Variants in DNAI4 observed in about 807,000 individuals in gnomAD.
The protein encoded by DNAI4 is WD repeat domain 78.
A neutral mutation model predicts 105.8 loss-of-function variants in DNAI4; 85 were observed. The ratio of observed to expected loss-of-function variants is 0.80; its 90% CI spans 0.67 to 0.96. The LOEUF (loss-of-function observed/expected upper bound fraction) is 0.96. Ranked by LOEUF, DNAI4 falls within the 40% of genes least tolerant of loss-of-function variation. The pLI is 0.00. For synonymous variants in DNAI4, 352 were observed against 331.5 expected (o/e 1.06, Z -0.67); for missense variants, 1,014 against 1,005.6 (o/e 1.01, Z -0.11).
chr1:66,897,914 G>C (rs1305008451), intron 2 of DNAI4, among the ~76,000 whole-genome samples: 2 of 152,142 alleles, frequency 1.3e-5, no homozygotes, highest in Non-Finnish European at 2.9e-5. Flanking sequence ...GTGGAGACAT[G>C]GGAGCAGGAT....
intron 4 of DNAI4, among the ~76,000 whole-genome samples, chr1:66,886,319 A>G (rs1042980888): frequency 2.6e-5 from 4 of 152,212 alleles, no homozygotes; most frequent in African/African-American, 9.6e-5. Context: ...TTAAATTTGT[A>G]TCATAACAGC....
intron 9 of DNAI4, among the ~76,000 whole-genome samples, chr1:66,839,903 G>A (rs1287820952): frequency 6.6e-6 from 1 of 152,128 alleles, no homozygotes; most frequent in African/African-American, 2.4e-5. Flanking sequence ...TCAACATAAT[G>A]AGAAAAATAA....
intron 6 of DNAI4, 115 bp from the exon 7 acceptor site, chr1:66,862,417 G>A (rs1288522216): frequency 1.8e-6 from 2 of 1,133,454 alleles, no homozygotes; most frequent in South Asian, 3.0e-5. Context: ...ATTGCCTGAT[G>A]CAGTTGCCCG....
At chr1:66,845,973 T>A (rs1166703398) in intron 8 of DNAI4, among the ~76,000 whole-genome samples, 5 of 152,120 alleles carry the variant, frequency 3.3e-5, no homozygotes, top group African/African-American at 1.2e-4. Flanking sequence ...GTTTATACAT[T>A]TTCAAAATGT....
intron 9 of DNAI4, 71 bp from the exon 10 acceptor site, chr1:66,837,867 A>G (rs992912786): frequency 1.5e-6 from 2 of 1,358,048 alleles, no homozygotes; most frequent in Non-Finnish European, 2.0e-6. Context: ...GTATAAAGAT[A>G]TATATTAATG....
intron 10 of DNAI4, among the ~76,000 whole-genome samples, chr1:66,836,671 A>G (rs1646032628): frequency 1.3e-5 from 2 of 152,230 alleles, no homozygotes; most frequent in Admixed American, 1.3e-4. Context: ...GATGAATCCA[A>G]TGTCAATCCC....
Position 66,862,217 on chromosome 1 carries a change from C to A in DNAI4, c.1026G>T (p.Glu342Asp). The A allele has an allele frequency of 6.2e-7, 1 of 1,609,082 alleles. No homozygotes were observed. Among genetic ancestry groups the A allele is most frequent in the Non-Finnish European group, 8.5e-7 (1 of 1,178,298 alleles). Residue 342 changes from glutamate (E) to aspartate (D), a missense_variant, in exon 7 of 17, where the codon GAG (glutamate) becomes GAT (aspartate). By Grantham distance (45) the Glu-to-Asp change is conservative. Coordinates refer to ENST00000371026, the MANE Select transcript of DNAI4 (RefSeq NM_024763.5). ...VSLSVKQSVV[E>D]SSSKANVLPK... ...GAAGTACATTTGCTTTACTACTTGA[C>A]TCAACCACAGATTGTTTTACTGATA... is the stretch of plus-strand genomic sequence containing the variant.
At position 66,920,438 on chromosome 1, in the gene DNAI4, C is replaced by T. The variant is rs578033426; in HGVS notation, c.170+4224G>A. ...TGCAAAAGGCTGTCATGCTGACCCT[C>T]CACTGAGCTGTTAACACTTACGCTG... On this transcript the variant is annotated intron_variant, in intron 1 of 16. Coordinates refer to ENST00000371026, the MANE Select transcript of DNAI4 (RefSeq NM_024763.5). 2.0e-5 allele frequency among the ~76,000 whole-genome samples: 3 copies of T among 152,318 alleles called. No homozygotes were observed. In the East Asian group the frequency reaches 5.8e-4, roughly 29 times the overall value.
chr1:66,874,877 T>C lies in DNAI4; in HGVS notation c.704A>G (p.Asn235Ser), dbSNP rs1171194020. 6.2e-7 allele frequency: 1 copy of C among 1,613,624 alleles called. No individual in the cohort carries two copies. Among genetic ancestry groups the C allele is most frequent in the Non-Finnish European group, 8.5e-7 (1 of 1,179,776 alleles). ...KIVTKEDLEK[N>S]IEIILTETET... ...TGTCTCTGTGAGTATTATCTCTATATTCTTCTCCAGGTCTTCTTTTGTTAC... is the reference window on the plus strand; with the variant it reads ...TGTCTCTGTGAGTATTATCTCTATACTCTTCTCCAGGTCTTCTTTTGTTAC... The change falls in exon 5 of 17, where the codon AAT (asparagine) becomes AGT (serine). Residue 235 changes from asparagine (N) to serine (S), a missense_variant. Physicochemically the swap from Asn to Ser is conservative, Grantham distance 46. Coordinates refer to ENST00000371026, the MANE Select transcript of DNAI4 (RefSeq NM_024763.5).
chr1:66,888,025 G>T (rs1647289619), intron 4 of DNAI4, among the ~76,000 whole-genome samples: 1 of 152,080 alleles, frequency 6.6e-6, no homozygotes, highest in Non-Finnish European at 1.5e-5. Flanking sequence ...TCTGTATGGT[G>T]GTGTGCTACT....
At chr1:66,876,192 C>T (rs1344895488) in intron 4 of DNAI4, among the ~76,000 whole-genome samples, 2 of 151,734 alleles carry the variant, frequency 1.3e-5, no homozygotes, top group Admixed American at 6.6e-5. Context: ...AATGAGTTAT[C>T]CACAAGAACA....
rs891404849 is a variant in DNAI4 at position 66,826,736 on chromosome 1, C to T, written c.2339+84G>A. ...ACTTCTTTTAAAGTAACTACAATAC[C>T]CTCTAACTGGTGTCAAAACTATCAG... On this transcript the variant is annotated intron_variant, in intron 15 of 16. Transcript: ENST00000371026. 2.5e-6 allele frequency: 3 copies of T among 1,187,648 alleles called. No individual in the cohort carries two copies. The African/African-American group carries it at 4.6e-5, about 18-fold the overall frequency. The allele number at this position is 1,187,648 out of a possible 1,614,324, so 73.6% of individuals were successfully genotyped here.
At chr1:66,865,573 T>C (rs913988094) in intron 6 of DNAI4, among the ~76,000 whole-genome samples, 7 of 152,272 alleles carry the variant, frequency 4.6e-5, no homozygotes, top group Admixed American at 1.3e-4. Flanking sequence ...AATTGAAAAA[T>C]GTAGCCTTAA....
rs1645785750 is a variant in DNAI4 at position 66,827,774 on chromosome 1, A to G, written c.2112+38T>C. 6 of 1,255,848 alleles carry G rather than the reference A, an allele frequency of 4.8e-6. No individual in the cohort carries two copies. The East Asian group carries it at 1.5e-4, about 31-fold the overall frequency. 77.8% of individuals were successfully genotyped at this position (1,255,848 alleles called of 1,614,324 possible). Reference sequence around the variant, plus strand: ...ATAATGGTACTGTTTTTTCAGAAATACAAAATAAATGTTCCAACCTACTAT... The same window carrying G: ...ATAATGGTACTGTTTTTTCAGAAATGCAAAATAAATGTTCCAACCTACTAT... On this transcript the variant is annotated intron_variant, in intron 14 of 16. Transcript: ENST00000371026.
chr1:66,895,446 A>G (rs901986725), intron 2 of DNAI4, among the ~76,000 whole-genome samples: 8 of 152,214 alleles, frequency 5.3e-5, no homozygotes, highest in African/African-American at 1.7e-4. Flanking sequence ...TTCAGTCTGC[A>G]TGATCAGAGC....
At chr1:66,888,568 C>G (rs1647338460) in intron 4 of DNAI4, among the ~76,000 whole-genome samples, 2 of 152,196 alleles carry the variant, frequency 1.3e-5, no homozygotes, top group South Asian at 4.1e-4. Context: ...TGGCAAGCGC[C>G]TGTATTCCCA....
At chr1:66,913,999 AG>A (rs1175198765) in intron 1 of DNAI4, among the ~76,000 whole-genome samples, 23 of 149,920 alleles carry the variant, frequency 1.5e-4, no homozygotes, top group African/African-American at 5.0e-4. Flanking sequence ...AAAAAAAAAA[AG>A]AAGGTGGAAA....
At chr1:66,887,615 A>C (rs1204885308) in intron 4 of DNAI4, among the ~76,000 whole-genome samples, 2 of 152,144 alleles carry the variant, frequency 1.3e-5, no homozygotes, top group Non-Finnish European at 2.9e-5. Context: ...TTATTAAATA[A>C]ATCATATTAA....
At chr1:66,897,909 G>T (rs951959909) in intron 2 of DNAI4, among the ~76,000 whole-genome samples, 2 of 152,138 alleles carry the variant, frequency 1.3e-5, no homozygotes, top group African/African-American at 4.8e-5. Context: ...GCCTAGTGGA[G>T]ACATGGGAGC....
Sources: allele counts gnomAD v4.1 joint callset (sites outside exome capture counted in the v4.1 genomes callset), GRCh38; gene constraint gnomAD v4.1.1; transcripts MANE v1.5; gene names NCBI Gene and HGNC (gene_info 2026-07-23, HGNC 2026-07-21).